PINK1: variants seen among roughly 807,000 people sequenced by gnomAD.
The protein encoded by PINK1 is serine/threonine-protein kinase PINK1, mitochondrial.
A neutral mutation model predicts 56.0 loss-of-function variants in PINK1; 58 were observed. That is an observed-to-expected ratio of 1.04 (90% CI 0.84 to 1.29). The LOEUF is 1.29. PINK1 is among the 50% of genes most tolerant of loss of function. The pLI, the probability that PINK1 is intolerant of heterozygous loss-of-function variation, is 0.00. For synonymous variants in PINK1, 354 were observed against 339.3 expected (o/e 1.04, Z -0.48); for missense variants, 745 against 777.9 (o/e 0.96, Z 0.50).
At chr1:20,646,883 T>C (rs1013537144) in intron 5 of PINK1, among the ~76,000 whole-genome samples, 1 of 151,636 alleles carries the variant, frequency 6.6e-6, no homozygotes, top group East Asian at 1.9e-4. Context: ...TACTTATTTA[T>C]TTATTTATTT....
Position 20,633,926 on chromosome 1 carries a change from G to A in PINK1, c.378G>A (p.Gln126=). ...AESRRAVSAC[Q]EIQAIFTQKS... ...GCCGGCGGGCGGTCTCGGCCTGTCA[G>A]GAGATCCAGGTGAGCGGGGCCGGGT... The change falls in exon 1 of 8, where the codon CAG becomes CAA. Residue 126 remains glutamine (Q), a synonymous_variant. Coordinates refer to ENST00000321556, the MANE Select transcript of PINK1 (RefSeq NM_032409.3). 6.3e-7 allele frequency: 1 copy of A among 1,585,366 alleles called. No individual in the cohort carries two copies.
rs567355491 is a variant in PINK1, at chr1:20,646,758, A to G, written c.1123+1035A>G. On this transcript the variant is annotated intron_variant, in intron 5 of 7. Transcript: ENST00000321556. ...CTGGAAGCATTCAAGTAGAAGCTGA[A>G]TGGCCACTTGCCTAGGAAAATTGTA... is the stretch of plus-strand genomic sequence containing the variant. Among the ~76,000 whole-genome samples, 113 of 152,334 alleles carry G rather than the reference A, an allele frequency of 7.4e-4. 1 individual carries two copies. Among genetic ancestry groups the G allele is most frequent in the African/African-American group, 2.6e-3 (108 of 41,576 alleles).
At chr1:20,640,866 C>T (rs981565836) in intron 3 of PINK1, among the ~76,000 whole-genome samples, 2 of 152,112 alleles carry the variant, frequency 1.3e-5, no homozygotes, top group African/African-American at 4.8e-5. Flanking sequence ...GGTGAAACCC[C>T]GCCTTTACAA....
intron 5 of PINK1, among the ~76,000 whole-genome samples, chr1:20,646,780 TG>T (rs2053187337): frequency 6.6e-6 from 1 of 152,156 alleles, no homozygotes; most frequent in Non-Finnish European, 1.5e-5. Flanking sequence ...CTAGGAAAAT[TG>T]TAAGGAGATT....
intron 2 of PINK1, 180 bp from the exon 3 acceptor site, chr1:20,639,712 C>T (rs2053095951): frequency 3.0e-6 from 2 of 676,148 alleles, no homozygotes; most frequent in African/African-American, 1.8e-5. Flanking sequence ...GATGGTACCT[C>T]TGTCTGCCTC....
chr1:20,634,704 G>A (rs1272389389), intron 1 of PINK1, among the ~76,000 whole-genome samples: 2 of 152,238 alleles, frequency 1.3e-5, no homozygotes, highest in Non-Finnish European at 2.9e-5. Context: ...CCAGGGAGGA[G>A]CCAGCGGTGC....
In PINK1 at chr1:20,648,785, C is replaced by T. The variant is rs144719866; in HGVS notation, c.1251+153C>T. Reference sequence around the variant, plus strand: ...CCTTCCCTGCCACTTTGCTTTCCTCCGGCGTTCCCTCATGTTCCAGGAGAA... The same window carrying T: ...CCTTCCCTGCCACTTTGCTTTCCTCTGGCGTTCCCTCATGTTCCAGGAGAA... On this transcript the variant is annotated intron_variant, in intron 6 of 7. Coordinates refer to ENST00000321556, the MANE Select transcript of PINK1 (RefSeq NM_032409.3). 0.013 allele frequency: 18,423 copies of T among 1,398,070 alleles called. 143 individuals are homozygous for T. The highest frequency in any genetic ancestry group is 0.015 in the Non-Finnish European group (15,479 of 1,019,566). 86.6% of individuals were successfully genotyped at this position (1,398,070 alleles called of 1,614,324 possible).
chr1:20,643,413 T>A (rs1260714760), intron 3 of PINK1, among the ~76,000 whole-genome samples: 1 of 152,252 alleles, frequency 6.6e-6, no homozygotes, highest in Non-Finnish European at 1.5e-5. Context: ...ACTAGCTGCA[T>A]CTGGATCTAT....
At chr1:20,638,289 C>A in intron 2 of PINK1, 160 bp downstream of exon 2, 1 of 803,046 alleles carries the variant, frequency 1.2e-6, no homozygotes, top group Non-Finnish European at 1.9e-6. Flanking sequence ...ACACAGAAGT[C>A]TAAACCAGAA....
At chr1:20,644,759 G>A in intron 4 of PINK1, 87 bp downstream of exon 4, 1 of 1,521,388 alleles carries the variant, frequency 6.6e-7, no homozygotes, top group Middle Eastern at 2.1e-4. Flanking sequence ...CCTTGATCAG[G>A]GGGTTTTGGA....
chr1:20,650,374 G>A (rs1026284739), intron 7 of PINK1, 60 bp from the exon 8 acceptor site: 4 of 1,605,310 alleles, frequency 2.5e-6, no homozygotes, highest in African/African-American at 2.7e-5. Context: ...TAACAAAGCA[G>A]GCTTTGGGTT....
intron 3 of PINK1, among the ~76,000 whole-genome samples, chr1:20,640,360 A>G (rs1208475290): frequency 6.6e-6 from 1 of 151,960 alleles, no homozygotes; most frequent in East Asian, 1.9e-4. Flanking sequence ...CACTCATTTC[A>G]CTAATAGTTA....
In PINK1 at chr1:20,641,795, T is replaced by C. The variant is rs1032207316; in HGVS notation, c.776+1803T>C. On this transcript the variant is annotated intron_variant, in intron 3 of 7. Transcript: ENST00000321556. This position sits in a 1 kb window ranked among gnomAD's most constrained non-coding sequence, Gnocchi z 4.0. Reference sequence around the variant, plus strand: ...CCACCACGCTGGCTTCATAGCTCCTTCCCCGAATGTGCCAGGCTTCTCTGT... The same window carrying C: ...CCACCACGCTGGCTTCATAGCTCCTCCCCCGAATGTGCCAGGCTTCTCTGT... Among the ~76,000 whole-genome samples the C allele has an allele frequency of 4.6e-5, 7 of 152,082 alleles. No individual in the cohort carries two copies. The highest frequency in any genetic ancestry group is 1.7e-4 in the African/African-American group (7 of 41,394).
At chr1:20,646,782 T>G (rs1041158139) in intron 5 of PINK1, among the ~76,000 whole-genome samples, 5 of 152,176 alleles carry the variant, frequency 3.3e-5, no homozygotes, top group Admixed American at 1.3e-4. Context: ...AGGAAAATTG[T>G]AAGGAGATTC....
intron 1 of PINK1, among the ~76,000 whole-genome samples, chr1:20,637,297 C>G (rs1236113544): frequency 6.6e-6 from 1 of 152,236 alleles, no homozygotes; most frequent in Non-Finnish European, 1.5e-5. Context: ...TCTGTCTGAA[C>G]TCTTGTACTC....
chr1:20,633,496 C>T lies in PINK1; in HGVS notation c.-53C>T. On this transcript the variant is annotated 5_prime_UTR_variant, in exon 1 of 8. The change creates a new upstream start codon in the 5' untranslated region. Coordinates refer to ENST00000321556, the MANE Select transcript of PINK1 (RefSeq NM_032409.3). ...CAAGTTTGTTGTGACCGGCGGGGGA[C>T]GCCGGTGGTGGCGGCAGCGGCGGCT... is the stretch of plus-strand genomic sequence containing the variant. 1 of 1,102,522 alleles carries T rather than the reference C, an allele frequency of 9.1e-7. No homozygotes were observed. Among genetic ancestry groups the T allele is most frequent in the Non-Finnish European group, 1.1e-6 (1 of 905,668 alleles). The allele number at this position is 1,102,522 out of a possible 1,614,324, so 68.3% of individuals were successfully genotyped here.
intron 2 of PINK1, 34 bp from the exon 3 acceptor site, chr1:20,639,858 C>T (rs2053097511): frequency 6.3e-7 from 1 of 1,586,868 alleles, no homozygotes; most frequent in African/African-American, 1.3e-5. Flanking sequence ...CTGCTCCGGC[C>T]TGTGTAACCC....
In PINK1 at chr1:20,648,970, T is replaced by C. The variant is rs2298300; in HGVS notation, c.1252-25T>C. Reference sequence around the variant, plus strand: ...AAGGTTAGATGGGCGGGCAGCGTGATGTCTCACCCACTGCTTCTGAGCAGG... The same window carrying C: ...AAGGTTAGATGGGCGGGCAGCGTGACGTCTCACCCACTGCTTCTGAGCAGG... On this transcript the variant is annotated intron_variant, in intron 6 of 7. Transcript: ENST00000321556. 7.1e-3 allele frequency: 11,465 copies of C among 1,605,572 alleles called. 294 individuals carry two copies. Among genetic ancestry groups the C allele is most frequent in the African/African-American group, 0.052 (3,927 of 74,904 alleles).
At position 20,633,711 on chromosome 1, in the gene PINK1, G is replaced by A; in HGVS notation, c.163G>A (p.Glu55Lys). The stretch of plus-strand genomic sequence containing the variant: ...AGGCTGGGCCGCAGGACCGGGCGCG[G>A]AGCCTCGCAGGGTCGGGCTCGGGCT... ...RPGWAAGPGAEPRRVGLGLPN... is the reference protein window; with the variant it reads ...RPGWAAGPGAKPRRVGLGLPN... The change falls in exon 1 of 8, where the codon GAG becomes AAG. Residue 55 changes from glutamate to lysine, a missense_variant. Glu to Lys is a moderately conservative substitution (Grantham distance 56, BLOSUM62 1). Transcript: ENST00000321556. 1 of 1,520,612 alleles carries A rather than the reference G, an allele frequency of 6.6e-7. No individual in the cohort carries two copies. The highest frequency in any genetic ancestry group is 2.5e-5 in the East Asian group (1 of 39,518). The allele number at this position is 1,520,612 out of a possible 1,614,324, so 94.2% of individuals were successfully genotyped here.
Sources: allele counts gnomAD v4.1 joint callset (sites outside exome capture counted in the v4.1 genomes callset), GRCh38; gene constraint gnomAD v4.1.1; non-coding constraint Gnocchi (gnomAD v3.1); transcripts MANE v1.5; gene names NCBI Gene and HGNC (gene_info 2026-07-23, HGNC 2026-07-21).